SPINK9: variants seen among roughly 807,000 people sequenced by gnomAD.
SPINK9 encodes the protein serine protease inhibitor Kazal-type 9.
Under a neutral mutation model 10.8 loss-of-function variants are expected in SPINK9, and 3 were observed. The ratio of observed to expected loss-of-function variants is 0.28; its 90% CI spans 0.13 to 0.72. The LOEUF is 0.72. Ranked by LOEUF, SPINK9 falls within the 30% of genes least tolerant of loss-of-function variation. The pLI, the probability that SPINK9 is intolerant of heterozygous loss-of-function variation, is 0.74. For missense variants in SPINK9, 101 were observed against 103.2 expected, an observed-to-expected ratio of 0.98 and a Z score of 0.09; for synonymous variants, 30 against 31.2, an observed-to-expected ratio of 0.96 and a Z score of 0.12.
At chr5:148,338,229 G>GA (rs1021238586) in intron 2 of SPINK9, among the ~76,000 whole-genome samples, 3 of 151,994 alleles carry the variant, frequency 2.0e-5, no homozygotes, top group African/African-American at 4.8e-5. Context: ...AGTATTGTGA[G>GA]AAAAAAATCT....
At chr5:148,337,356 A>T (rs1227647636) in intron 2 of SPINK9, among the ~76,000 whole-genome samples, 1 of 152,196 alleles carries the variant, frequency 6.6e-6, no homozygotes, top group Admixed American at 6.6e-5. Context: ...CTATCTTTGC[A>T]TCAGCTCCAC....
intron 2 of SPINK9, among the ~76,000 whole-genome samples, chr5:148,329,204 A>T (rs1338111437): frequency 6.6e-6 from 1 of 152,132 alleles, no homozygotes; most frequent in East Asian, 1.9e-4. Context: ...GTCTATTCAG[A>T]GATTCAACTT....
intron 2 of SPINK9, among the ~76,000 whole-genome samples, chr5:148,336,733 T>G (rs991391259): frequency 2.0e-5 from 3 of 152,174 alleles, no homozygotes; most frequent in African/African-American, 4.8e-5. Flanking sequence ...TTCCAAGACT[T>G]GAAGCCATAG....
At chr5:148,331,324 T>C (rs1483246177), upstream of SPINK9, among the ~76,000 whole-genome samples, 1 of 152,228 alleles carries the variant, frequency 6.6e-6, no homozygotes, top group African/African-American at 2.4e-5. Flanking sequence ...TGTGACAACA[T>C]AGATGAAACT....
chr5:148,335,524 G>A (rs1428751787), upstream of SPINK9: 2 of 1,188,216 alleles, frequency 1.7e-6, no homozygotes, highest in Non-Finnish European at 2.4e-6. Context: ...AGGAATTCTT[G>A]AAAATATATA....
chr5:148,331,845 G>A (rs1012137499), upstream of SPINK9, among the ~76,000 whole-genome samples: 1 of 152,124 alleles, frequency 6.6e-6, no homozygotes, highest in African/African-American at 2.4e-5. Context: ...CTATTATACT[G>A]TTTTGATTAC....
At chr5:148,333,215 C>T (rs559375306), upstream of SPINK9, among the ~76,000 whole-genome samples, 15 of 152,190 alleles carry the variant, frequency 9.9e-5, no homozygotes, top group Non-Finnish European at 2.1e-4. Context: ...TCTAACAGCA[C>T]ACTTCTTTTA....
upstream of SPINK9, among the ~76,000 whole-genome samples, chr5:148,331,572 T>C (rs1220334154): frequency 6.6e-6 from 1 of 152,166 alleles, no homozygotes; most frequent in Non-Finnish European, 1.5e-5. Context: ...ACAGCATGAG[T>C]ACTGTTAATA....
At chr5:148,330,400 T>C (rs571548408) in intron 2 of SPINK9, among the ~76,000 whole-genome samples, 16 of 152,338 alleles carry the variant, frequency 1.1e-4, no homozygotes, top group African/African-American at 3.6e-4. Flanking sequence ...TATGTGTTTG[T>C]CTGCACGTGA....
chr5:148,331,587 C>T (rs867063942), upstream of SPINK9, among the ~76,000 whole-genome samples: 12 of 152,050 alleles, frequency 7.9e-5, no homozygotes, highest in African/African-American at 2.7e-4. Context: ...TTAATAATAA[C>T]GTATTCTATA....
Position 148,339,807 on chromosome 5 carries a change from C to T in SPINK9, c.*95C>T. The T allele has an allele frequency of 1.0e-6, 1 of 986,626 alleles. No individual in the cohort carries two copies. The highest frequency in any genetic ancestry group is 1.6e-6 in the Non-Finnish European group (1 of 633,784). 61.1% of individuals were successfully genotyped at this position (986,626 alleles called of 1,614,324 possible). On this transcript the variant is annotated 3_prime_UTR_variant, in exon 4 of 4. Coordinates refer to ENST00000377906, the MANE Select transcript of SPINK9 (RefSeq NM_001040433.2). ...TATCTATGCCACATTGCCTACTCAT[C>T]ACCATATGTAGATTTCTTTGTAGAA... is the stretch of plus-strand genomic sequence containing the variant.
At chr5:148,328,135 T>A (rs1005434740) in intron 2 of SPINK9, among the ~76,000 whole-genome samples, 2 of 152,368 alleles carry the variant, frequency 1.3e-5, no homozygotes, top group African/African-American at 4.8e-5. Context: ...TTCCTATCCA[T>A]GAGCAAGGAA....
At chr5:148,331,952 C>T (rs550505029), upstream of SPINK9, among the ~76,000 whole-genome samples, 1 of 152,148 alleles carries the variant, frequency 6.6e-6, no homozygotes, top group South Asian at 2.1e-4. Context: ...ATCTGTAGAT[C>T]AATTTGAGGA....
At chr5:148,338,095 T>C (rs1160270452) in intron 2 of SPINK9, among the ~76,000 whole-genome samples, 1 of 152,168 alleles carries the variant, frequency 6.6e-6, no homozygotes, top group Non-Finnish European at 1.5e-5. Flanking sequence ...TATTGAGCTT[T>C]TTCAGTGAAA....
At chr5:148,332,311 A>T (rs6893378), upstream of SPINK9, among the ~76,000 whole-genome samples, 1 of 151,982 alleles carries the variant, frequency 6.6e-6, no homozygotes, top group Non-Finnish European at 1.5e-5. Context: ...TGAGTTGTTC[A>T]GTAAATTCTC....
chr5:148,337,084 A>C (rs1193403374), intron 2 of SPINK9, among the ~76,000 whole-genome samples: 6 of 152,092 alleles, frequency 3.9e-5, no homozygotes, highest in African/African-American at 1.4e-4. Context: ...TAAGGATATA[A>C]ATTTTGGAGT....
At chr5:148,322,993 A>C (rs1030656216) in intron 1 of SPINK9, among the ~76,000 whole-genome samples, 11 of 152,218 alleles carry the variant, frequency 7.2e-5, no homozygotes, top group Non-Finnish European at 1.2e-4. Flanking sequence ...TTTATAAATG[A>C]ATTTAAAAAT....
At chr5:148,329,279 T>C (rs1437477725) in intron 2 of SPINK9, among the ~76,000 whole-genome samples, 3 of 152,248 alleles carry the variant, frequency 2.0e-5, no homozygotes, top group Non-Finnish European at 4.4e-5. Context: ...CTAGATTTTC[T>C]AGTTTATTTG....
intron 2 of SPINK9, among the ~76,000 whole-genome samples, chr5:148,325,633 A>G (rs1379033771): frequency 6.6e-6 from 1 of 152,038 alleles, no homozygotes; most frequent in Non-Finnish European, 1.5e-5. Flanking sequence ...AATTTTTTAT[A>G]TATATTCTAG....
Sources: allele counts gnomAD v4.1 joint callset (sites outside exome capture counted in the v4.1 genomes callset), GRCh38; gene constraint gnomAD v4.1.1; transcripts MANE v1.5; gene names NCBI Gene and HGNC (gene_info 2026-07-23, HGNC 2026-07-21).